Variants in MSRA observed in about 807,000 individuals in gnomAD.
The protein encoded by MSRA is methionine sulfoxide reductase A.
A neutral mutation model predicts 31.3 loss-of-function variants in MSRA; 54 were observed. The observed-to-expected ratio is 1.73, with a 90% CI of 1.39 to 2.17. The LOEUF is 2.17. Among genes scored for constraint, MSRA ranks in the 30% most tolerant of loss-of-function variants. MSRA has a pLI of 0.00. For synonymous variants in MSRA, 169 were observed against 116.5 expected (o/e 1.45, Z -2.90); for missense variants, 507 against 300.9 (o/e 1.69, Z -5.07).
At chr8:10,369,608 A>G (rs1805366509) in intron 5 of MSRA, among the ~76,000 whole-genome samples, 1 of 152,252 alleles carries the variant, frequency 6.6e-6, no homozygotes, top group Non-Finnish European at 1.5e-5. Context: ...AAAGGAGGAT[A>G]GAAATTTATA....
intron 3 of MSRA, among the ~76,000 whole-genome samples, chr8:10,248,210 G>A (rs369427872): frequency 6.6e-6 from 1 of 152,200 alleles, no homozygotes; most frequent in Non-Finnish European, 1.5e-5. Context: ...GTAAAACTTT[G>A]ATCACAATCC....
chr8:10,364,237 G>A (rs560034258), intron 5 of MSRA, among the ~76,000 whole-genome samples: 3 of 152,252 alleles, frequency 2.0e-5, no homozygotes, highest in South Asian at 2.1e-4. Context: ...CAGTCATTTC[G>A]GACTGTGGTG....
At chr8:10,295,996 G>C (rs1419996635) in intron 3 of MSRA, among the ~76,000 whole-genome samples, 1 of 152,166 alleles carries the variant, frequency 6.6e-6, no homozygotes, top group African/African-American at 2.4e-5. Context: ...TAAGAAACTA[G>C]AAAAGAAAAA....
intron 1 of MSRA, among the ~76,000 whole-genome samples, chr8:10,130,917 A>T (rs758967141): frequency 2.0e-5 from 3 of 152,170 alleles, no homozygotes; most frequent in African/African-American, 7.2e-5. Flanking sequence ...TAAAGCCAGG[A>T]TATAAAACCT....
chr8:10,323,505 G>A (rs532263778), intron 5 of MSRA, among the ~76,000 whole-genome samples: 5 of 152,190 alleles, frequency 3.3e-5, no homozygotes, highest in South Asian at 2.1e-4. Context: ...GCTTATCACC[G>A]AATTTTCCAG....
intron 1 of MSRA, among the ~76,000 whole-genome samples, chr8:10,112,080 T>G (rs1007306178): frequency 6.9e-6 from 1 of 143,952 alleles, no homozygotes; most frequent in African/African-American, 2.4e-5. Context: ...TCCTAATAGA[T>G]AGTCTTTGTT....
intron 1 of MSRA, among the ~76,000 whole-genome samples, chr8:10,148,530 C>G (rs1803363330): frequency 2.0e-5 from 3 of 151,834 alleles, no homozygotes; most frequent in Admixed American, 6.6e-5. Flanking sequence ...ATCTGCAATT[C>G]CAGCCGCTTG....
At position 10,099,686 on chromosome 8, in the gene MSRA, C is replaced by T. The variant is rs546553338; in HGVS notation, c.142+45028C>T. Among the ~76,000 whole-genome samples the T allele has an allele frequency of 6.4e-4, 98 of 152,300 alleles. No individual in the cohort carries two copies. In the South Asian group the frequency reaches 0.02, roughly 31 times the overall value. ...ACTGTGCTTTCTTTATCTTGTTTCT[C>T]TGTTGCTGGCTATGGGTTTAGAGGG... On this transcript the variant is annotated intron_variant, in intron 1 of 5. Coordinates refer to ENST00000317173, the MANE Select transcript of MSRA (RefSeq NM_012331.5).
intron 1 of MSRA, among the ~76,000 whole-genome samples, chr8:10,059,264 C>G (rs936314673): frequency 6.6e-6 from 1 of 152,278 alleles, no homozygotes; most frequent in East Asian, 1.9e-4. Context: ...ATAGCTCACA[C>G]TTGTTAAGTG....
intron 5 of MSRA, among the ~76,000 whole-genome samples, chr8:10,389,250 C>A (rs1196801393): frequency 6.6e-6 from 1 of 152,118 alleles, no homozygotes; most frequent in Non-Finnish European, 1.5e-5. Flanking sequence ...AAGCTGTAGC[C>A]AGGCTTGAGA....
chr8:10,254,714 AG>A (rs936244299), intron 3 of MSRA, among the ~76,000 whole-genome samples: 10 of 152,380 alleles, frequency 6.6e-5, no homozygotes, highest in African/African-American at 1.9e-4. Context: ...AAAATAAAAC[AG>A]GGTTTATGTT....
At chr8:10,384,023 A>T (rs994367335) in intron 5 of MSRA, among the ~76,000 whole-genome samples, 4 of 152,074 alleles carry the variant, frequency 2.6e-5, no homozygotes, top group Non-Finnish European at 5.9e-5. Flanking sequence ...TCACCCCGAA[A>T]TCCGTGACTC....
chr8:10,270,834 C>G (rs543113463), intron 3 of MSRA, among the ~76,000 whole-genome samples: 1 of 152,192 alleles, frequency 6.6e-6, no homozygotes. Context: ...TGAAGCCAGG[C>G]TGAAGGCACT....
chr8:10,301,114 T>A (rs182348112), intron 3 of MSRA, among the ~76,000 whole-genome samples: 32 of 152,324 alleles, frequency 2.1e-4, no homozygotes, highest in Admixed American at 2.0e-3. Flanking sequence ...ACCATCTCAC[T>A]GTGGTGCAGC....
intron 1 of MSRA, among the ~76,000 whole-genome samples, chr8:10,127,252 T>C (rs955318150): frequency 2.0e-5 from 3 of 152,360 alleles, no homozygotes; most frequent in Non-Finnish European, 4.4e-5. Flanking sequence ...GTGGGAGTTA[T>C]TTGTATCCTA....
chr8:10,426,074 C>T (rs1275328331), intron 5 of MSRA, among the ~76,000 whole-genome samples: 1 of 152,190 alleles, frequency 6.6e-6, no homozygotes, highest in Non-Finnish European at 1.5e-5. Context: ...CAGTGGGCAG[C>T]CTCTTCACAG....
intron 1 of MSRA, among the ~76,000 whole-genome samples, chr8:10,167,757 C>A (rs369645037): frequency 3.4e-4 from 51 of 152,062 alleles, no homozygotes; most frequent in African/African-American, 1.0e-3. Context: ...AGAGTTGGGT[C>A]CATGCATGAA....
chr8:10,294,440 T>C (rs1180782184), intron 3 of MSRA, among the ~76,000 whole-genome samples: 2 of 152,136 alleles, frequency 1.3e-5, no homozygotes, highest in Admixed American at 1.3e-4. Context: ...AGGTGGGTGC[T>C]ATCAGTGTCC....
intron 1 of MSRA, among the ~76,000 whole-genome samples, chr8:10,084,355 G>A (rs1252950660): frequency 6.6e-6 from 1 of 152,256 alleles, no homozygotes; most frequent in Non-Finnish European, 1.5e-5. Flanking sequence ...TAACGACAGT[G>A]ACCCCTGCCC....
Sources: gnomAD v4.1 joint callset for allele counts (sites outside exome capture counted in the v4.1 genomes callset) on GRCh38, gnomAD v4.1.1 for gene constraint, MANE v1.5 for transcripts, NCBI Gene and HGNC (gene_info 2026-07-23, HGNC 2026-07-21) for gene names.